MFF: variants seen among roughly 807,000 people sequenced by gnomAD.
The protein encoded by MFF is mitochondrial fission factor, also known as chromosome 2 open reading frame 33.
In MFF, 12 loss-of-function variants were observed where a neutral mutation model predicts 36.9. The observed-to-expected ratio is 0.33, with a 90% CI of 0.21 to 0.53. The LOEUF is 0.53. Ranked by LOEUF, MFF falls within the 20% of genes least tolerant of loss-of-function variation. The pLI is 0.95. For synonymous variants in MFF, 99 were observed against 126.2 expected (o/e 0.78, Z 1.44); for missense variants, 348 against 366.6 (o/e 0.95, Z 0.42).
Position 227,329,923 on chromosome 2 carries a change from T to TA in MFF, c.-40-692dup, listed in dbSNP as rs11384091. ...GGCGGCAACATTCTTTCTACTGCAT[T>TA]AAAAAAAAAAACACATGTAAATATG... On this transcript the variant is annotated intron_variant, in intron 2 of 8. Transcript: ENST00000304593. 223,503 of 408,306 alleles carry TA rather than the reference T, an allele frequency of 0.55. 39,753 individuals carry two copies. Among genetic ancestry groups the TA allele is most frequent in the African/African-American group, 0.7 (33,234 of 47,416 alleles). The allele number at this position is 408,306 out of a possible 1,614,324, so 25.3% of individuals were successfully genotyped here. A position where few individuals can be genotyped will look rare whatever the true frequency, so the allele number is the denominator to read the frequency against.
intron 4 of MFF, among the ~76,000 whole-genome samples, chr2:227,337,857 G>A (rs886500189): frequency 1.3e-5 from 2 of 152,000 alleles, no homozygotes; most frequent in African/African-American, 4.8e-5. Flanking sequence ...ACCAAGCCTG[G>A]CCAACATGGT....
Position 227,355,700 on chromosome 2 carries a change from C to T in MFF, c.683C>T (p.Thr228Ile), listed in dbSNP as rs1470732099. Reference protein sequence around the residue: ...NVRYGISNIDTTIEGTSDDLT... With the variant: ...NVRYGISNIDITIEGTSDDLT... ...AGGTATGGCATTTCAAATATAGATA[C>T]AACCATTGAAGGAACGTCAGATGAC... The change falls in exon 8 of 9, where the codon ACA becomes ATA. Residue 228 changes from threonine to isoleucine, a missense_variant. Thr to Ile is a moderately conservative substitution (Grantham distance 89). Transcript: ENST00000304593. 1 of 1,610,278 alleles carries T rather than the reference C, an allele frequency of 6.2e-7. No individual in the cohort carries two copies. The highest frequency in any genetic ancestry group is 1.3e-5 in the African/African-American group (1 of 74,962).
intron 2 of MFF, chr2:227,330,206 C>G (rs1257189401): frequency 4.0e-5 from 7 of 173,044 alleles, no homozygotes; most frequent in Admixed American, 3.6e-4. Flanking sequence ...TTTTTTCATG[C>G]ATGACAGTAA....
intron 4 of MFF, among the ~76,000 whole-genome samples, chr2:227,339,691 C>A (rs926441208): frequency 6.6e-6 from 1 of 152,178 alleles, no homozygotes; most frequent in African/African-American, 2.4e-5. Flanking sequence ...TAGGAGTCAC[C>A]AGCCCTCTGA....
intron 5 of MFF, chr2:227,346,225 C>G (rs2075703414): frequency 6.0e-6 from 1 of 167,018 alleles, no homozygotes; most frequent in Non-Finnish European, 1.5e-5. Context: ...TTTATTCTTT[C>G]AGATGTAATA....
chr2:227,342,172 CTT>C (rs1269062761), intron 5 of MFF, among the ~76,000 whole-genome samples: 6 of 151,722 alleles, frequency 4.0e-5, no homozygotes, highest in Non-Finnish European at 7.4e-5. Context: ...AGTAATGAAT[CTT>C]TATACATTTT....
chr2:227,341,996 T>A lies in MFF; in HGVS notation c.440+1616T>A, dbSNP rs115572776. Among the ~76,000 whole-genome samples the A allele has an allele frequency of 3.2e-3, 480 of 152,156 alleles. 3 individuals are homozygous for A. Among genetic ancestry groups the A allele is most frequent in the African/African-American group, 0.011 (453 of 41,546 alleles). On this transcript the variant is annotated intron_variant, in intron 5 of 8. Coordinates refer to ENST00000304593, the MANE Select transcript of MFF (RefSeq NM_001277062.2). Reference sequence around the variant, plus strand: ...CAGTCCAGTGAAGTATAATTTAGAGTAGATGATATAGATGTTTTTGTATTT... The same window carrying A: ...CAGTCCAGTGAAGTATAATTTAGAGAAGATGATATAGATGTTTTTGTATTT...
At position 227,357,004 on chromosome 2, in the gene MFF, C is replaced by T. The variant is rs2076291948; in HGVS notation, c.763C>T (p.Arg255Cys). 7 of 1,612,376 alleles carry T rather than the reference C, an allele frequency of 4.3e-6. No homozygotes were observed. Among genetic ancestry groups the T allele is most frequent in the Admixed American group, 1.7e-5 (1 of 59,926 alleles). ...LRRQIIKLNR[R>C]LQLLEEENKE... ...CACTTAGATAATCAAACTAAATAGA[C>T]GTCTACAACTTCTGGAAGAGGAGAA... Residue 255 changes from arginine to cysteine, a missense_variant, in exon 9 of 9, where the codon CGT becomes TGT. By Grantham distance (180) the Arg-to-Cys change is radical. Transcript: ENST00000304593.
At chr2:227,344,606 C>T (rs528128981) in intron 5 of MFF, among the ~76,000 whole-genome samples, 1 of 152,186 alleles carries the variant, frequency 6.6e-6, no homozygotes, top group Non-Finnish European at 1.5e-5. Flanking sequence ...TTTATTGCCT[C>T]TAATTACTAA....
intron 5 of MFF, chr2:227,346,097 C>G (rs1186143261): frequency 6.2e-6 from 1 of 161,678 alleles, no homozygotes; most frequent in African/African-American, 2.4e-5. Context: ...CTATAACTAT[C>G]CTGTCAAAAA....
intron 2 of MFF, chr2:227,329,391 A>G (rs1471655846): frequency 8.5e-6 from 2 of 236,262 alleles, no homozygotes; most frequent in African/African-American, 2.4e-5. Flanking sequence ...CTGTTTGCAA[A>G]ATCATAAGAC....
At chr2:227,352,445 G>T in intron 6 of MFF, 69 bp from the exon 7 acceptor site, 1 of 1,093,444 alleles carries the variant, frequency 9.1e-7, no homozygotes. Flanking sequence ...TCTTGTTTTT[G>T]CTTTTATTTT....
intron 8 of MFF, among the ~76,000 whole-genome samples, chr2:227,356,628 G>T (rs540779657): frequency 6.6e-6 from 1 of 152,126 alleles, no homozygotes; most frequent in Non-Finnish European, 1.5e-5. Context: ...AAGGAGTCCC[G>T]TATTCTTTCT....
chr2:227,340,910 A>G (rs1574944732), intron 5 of MFF, among the ~76,000 whole-genome samples: 1 of 152,192 alleles, frequency 6.6e-6, no homozygotes, highest in African/African-American at 2.4e-5. Flanking sequence ...GGATTTTTAC[A>G]AACAAAATGT....
intron 4 of MFF, among the ~76,000 whole-genome samples, chr2:227,335,185 AAAG>A: frequency 6.6e-6 from 1 of 151,622 alleles, no homozygotes; most frequent in Non-Finnish European, 1.5e-5. Flanking sequence ...AAAAAAAAAA[AAAG>A]GTACTGATAC....
intron 4 of MFF, among the ~76,000 whole-genome samples, chr2:227,337,441 C>CT (rs1243421175): frequency 6.6e-6 from 1 of 152,186 alleles, no homozygotes; most frequent in Non-Finnish European, 1.5e-5. Flanking sequence ...CACGAAGGCT[C>CT]TGAGTAGATT....
At chr2:227,350,472 A>T (rs1298530535) in intron 6 of MFF, among the ~76,000 whole-genome samples, 1 of 152,108 alleles carries the variant, frequency 6.6e-6, no homozygotes, top group Non-Finnish European at 1.5e-5. Flanking sequence ...TTTTTCCTTA[A>T]CAGATTGTAC....
At chr2:227,342,735 A>C in intron 5 of MFF, 1 of 1,605,032 alleles carries the variant, frequency 6.2e-7, no homozygotes, top group Non-Finnish European at 8.5e-7. Flanking sequence ...AAGCATAATT[A>C]TTATTTAAGG....
chr2:227,327,123 G>A (rs559810445), intron 1 of MFF, among the ~76,000 whole-genome samples: 1 of 152,182 alleles, frequency 6.6e-6, no homozygotes, highest in South Asian at 2.1e-4. Flanking sequence ...ATTTTAAAAA[G>A]TCGAGTTAAA....
Sources: allele counts gnomAD v4.1 joint callset (sites outside exome capture counted in the v4.1 genomes callset), GRCh38; gene constraint gnomAD v4.1.1; transcripts MANE v1.5; gene names NCBI Gene and HGNC (gene_info 2026-07-23, HGNC 2026-07-21).